Variants in RAPGEFL1 observed in about 807,000 individuals in gnomAD.
RAPGEFL1 encodes the protein Rap guanine nucleotide exchange factor like 1, also known as rap guanine nucleotide exchange factor-like 1.
RAPGEFL1 carries 31 observed loss-of-function variants against 64.4 expected under a neutral mutation model. The ratio of observed to expected loss-of-function variants is 0.48; its 90% CI spans 0.36 to 0.65. The LOEUF is 0.65. Among genes scored for constraint, RAPGEFL1 ranks in the 30% least tolerant of loss-of-function variants. The pLI is 0.00. For missense variants in RAPGEFL1, 682 were observed against 677.4 expected, an observed-to-expected ratio of 1.01 and a Z score of -0.08; for synonymous variants, 331 against 274.1, an observed-to-expected ratio of 1.21 and a Z score of -2.05.
At chr17:40,187,236 T>C (rs78852644) in intron 4 of RAPGEFL1, among the ~76,000 whole-genome samples, 12,807 of 152,212 alleles carry the variant, frequency 0.084, 1,291 homozygotes, top group African/African-American at 0.24. Flanking sequence ...TGTGAGCCAG[T>C]GTGAACCAGC....
chr17:40,193,473 G>A (rs764912295), intron 14 of RAPGEFL1, 56 bp downstream of exon 14: 96 of 1,597,394 alleles, frequency 6.0e-5, no homozygotes, highest in Non-Finnish European at 7.0e-5. Flanking sequence ...GAACGGGAGG[G>A]TTCAGGGGAG....
upstream of RAPGEFL1, chr17:40,177,399 G>T (rs906022370): frequency 1.0e-5 from 7 of 696,724 alleles, no homozygotes; most frequent in Admixed American, 1.4e-4. Context: ...CGGCGCGGGG[G>T]CGAGCCGAGG....
intron 4 of RAPGEFL1, among the ~76,000 whole-genome samples, chr17:40,188,007 C>T (rs774590462): frequency 2.0e-5 from 3 of 150,752 alleles, no homozygotes; most frequent in South Asian, 2.1e-4. Context: ...CTCCCCCTCC[C>T]GGGTTCAAGC....
chr17:40,189,657 C>T (rs1990193842), intron 6 of RAPGEFL1, among the ~76,000 whole-genome samples: 2 of 152,150 alleles, frequency 1.3e-5, no homozygotes, highest in Non-Finnish European at 2.9e-5. Context: ...TGAATAGGCA[C>T]TGCGCCCTAT....
rs1307252531 is a variant in RAPGEFL1, at chr17:40,177,857, G to C, written c.-5G>C. 2 of 427,922 alleles carry C rather than the reference G, an allele frequency of 4.7e-6. No individual in the cohort carries two copies. Among genetic ancestry groups the C allele is most frequent in the African/African-American group, 4.1e-5 (2 of 48,728 alleles). 26.5% of individuals were successfully genotyped at this position (427,922 alleles called of 1,614,324 possible). On this transcript the variant is annotated 5_prime_UTR_variant, in exon 1 of 15. Transcript: ENST00000620260. Reference sequence around the variant, plus strand: ...GCGACCCCTAGGAGAGGGGCGGGGGGGGGCATGAAGCCGCTGGAGAAATTT... The same window carrying C: ...GCGACCCCTAGGAGAGGGGCGGGGGCGGGCATGAAGCCGCTGGAGAAATTT...
intron 2 of RAPGEFL1, among the ~76,000 whole-genome samples, chr17:40,182,861 C>T (rs187923130): frequency 2.0e-5 from 3 of 152,176 alleles, no homozygotes; most frequent in Admixed American, 2.0e-4. Flanking sequence ...ATGTTACAGG[C>T]TCCCAGCCAG....
At position 40,177,892 on chromosome 17, in the gene RAPGEFL1, C is replaced by A. The variant is rs1989764155; in HGVS notation, c.31C>A (p.Gln11Lys). 2.3e-6 allele frequency: 1 copy of A among 426,602 alleles called. No homozygotes were observed. The highest frequency in any genetic ancestry group is 4.2e-6 in the Non-Finnish European group (1 of 240,226). The allele number at this position is 426,602 out of a possible 1,614,324, so 26.4% of individuals were successfully genotyped here. The change falls in exon 1 of 15, where the codon CAG becomes AAG. Residue 11 changes from glutamine to lysine, a missense_variant. By Grantham distance (53) the Gln-to-Lys change is moderately conservative. Coordinates refer to ENST00000620260, the MANE Select transcript of RAPGEFL1 (RefSeq NM_016339.6). ...GCCGCTGGAGAAATTTCTGAAGAAG[C>A]AGACGTCGCAGCTGGCGGGCCGAAC... is the stretch of plus-strand genomic sequence containing the variant. MKPLEKFLKK[Q>K]TSQLAGRTVA...
chr17:40,180,497 G>A (rs1361179633), intron 1 of RAPGEFL1, among the ~76,000 whole-genome samples: 1 of 152,146 alleles, frequency 6.6e-6, no homozygotes, highest in Non-Finnish European at 1.5e-5. Context: ...TGTGGGAGGA[G>A]AGAACTTACA....
intron 2 of RAPGEFL1, among the ~76,000 whole-genome samples, chr17:40,183,713 G>A (rs1989965766): frequency 6.7e-6 from 1 of 148,602 alleles, no homozygotes; most frequent in Admixed American, 6.7e-5. Context: ...TAGAGATGAG[G>A]TTTCACCATG....
intron 4 of RAPGEFL1, 39 bp from the exon 5 acceptor site, chr17:40,188,827 C>T (rs773068966): frequency 1.3e-6 from 2 of 1,551,004 alleles, no homozygotes; most frequent in African/African-American, 1.4e-5. Context: ...GTCCATATGC[C>T]TGGCAGGGCG....
At chr17:40,190,932 A>G in intron 8 of RAPGEFL1, 170 bp downstream of exon 8, 1 of 1,016,682 alleles carries the variant, frequency 9.8e-7, no homozygotes, top group Non-Finnish European at 1.4e-6. Flanking sequence ...GCAAAGAGAG[A>G]GACCCCAGAG....
chr17:40,191,519 G>A lies in RAPGEFL1; in HGVS notation c.1514+25G>A. On this transcript the variant is annotated intron_variant, in intron 9 of 14. Coordinates refer to ENST00000620260, the MANE Select transcript of RAPGEFL1 (RefSeq NM_016339.6). This position sits in a 1 kb window ranked among gnomAD's most constrained non-coding sequence, Gnocchi z 5.1. The stretch of plus-strand genomic sequence containing the variant: ...TGTGAGTGCGGCCGTCGGCGGGATG[G>A]GGGGCCGGAGGCCGGAGGCCCGCGC... 6.3e-7 allele frequency: 1 copy of A among 1,580,788 alleles called. No individual in the cohort carries two copies.
At chr17:40,179,969 C>T (rs1989844989) in intron 1 of RAPGEFL1, among the ~76,000 whole-genome samples, 1 of 152,206 alleles carries the variant, frequency 6.6e-6, no homozygotes, top group Admixed American at 6.5e-5. Context: ...ACACCACACA[C>T]CCTGTGTCTC....
At position 40,190,669 on chromosome 17, in the gene RAPGEFL1, C is replaced by T. The variant is rs267604845; in HGVS notation, c.1242C>T (p.Ser414=). Residue 414 remains serine, a synonymous_variant, in exon 8 of 15, where the codon TCC becomes TCT. Transcript: ENST00000620260. Reference sequence around the variant, plus strand: ...CCCTCCCCGAGGAGATCCAGGTCTCCCCTGGAGACACAGAGATCCACCGAG... The same window carrying T: ...CCCTCCCCGAGGAGATCCAGGTCTCTCCTGGAGACACAGAGATCCACCGAG... ...LVPLPEEIQV[S]PGDTEIHRVE... is the part of the protein sequence containing the mutation. The T allele has an allele frequency of 1.2e-6, 2 of 1,614,178 alleles. No individual in the cohort carries two copies. Among genetic ancestry groups the T allele is most frequent in the Non-Finnish European group, 1.7e-6 (2 of 1,180,028 alleles).
chr17:40,189,093 C>T (rs965975115), intron 5 of RAPGEFL1, 115 bp downstream of exon 5: 90 of 1,467,392 alleles, frequency 6.1e-5, no homozygotes, highest in Middle Eastern at 3.9e-4. Flanking sequence ...GCCCCTTTCA[C>T]AGGACCTTCT....
At chr17:40,187,053 C>T (rs1363710455) in intron 4 of RAPGEFL1, among the ~76,000 whole-genome samples, 2 of 151,970 alleles carry the variant, frequency 1.3e-5, no homozygotes, top group African/African-American at 2.4e-5. Flanking sequence ...AGCAATCCTC[C>T]CACCTTGGCC....
chr17:40,193,378 A>C lies in RAPGEFL1; in HGVS notation c.1825A>C (p.Lys609Gln). The C allele has an allele frequency of 6.2e-7, 1 of 1,614,192 alleles. No individual in the cohort carries two copies. Among genetic ancestry groups the C allele is most frequent in the South Asian group, 1.1e-5 (1 of 91,084 alleles). Residue 609 changes from lysine to glutamine, a missense_variant, in exon 14 of 15, where the codon AAA (lysine) becomes CAA (glutamine). Physicochemically the swap from Lys to Gln is moderately conservative, Grantham distance 53. Transcript: ENST00000620260. ...NIEKLHSVAE[K>Q]VRTIRKYRSR... is the part of the protein sequence containing the mutation. The stretch of plus-strand genomic sequence containing the variant: ...CATCTCCCAGCATTCAGTGGCCGAA[A>C]AAGTGAGGACAATCCGCAAATACCG...
Position 40,190,418 on chromosome 17 carries a change from G to A in RAPGEFL1, c.1115-16G>A. The A allele has an allele frequency of 6.2e-7, 1 of 1,612,798 alleles. No individual in the cohort carries two copies. Among genetic ancestry groups the A allele is most frequent in the African/African-American group, 1.3e-5 (1 of 75,016 alleles). ...AGGCGGCAGGGGCCGAGGATGAGCAGCTCTTTCTCCTGCAGAGAAGGTCCT... is the reference window on the plus strand; with the variant it reads ...AGGCGGCAGGGGCCGAGGATGAGCAACTCTTTCTCCTGCAGAGAAGGTCCT... On this transcript the variant is annotated splice_polypyrimidine_tract_variant and intron_variant, in intron 6 of 14. Transcript: ENST00000620260.
Position 40,189,048 on chromosome 17 carries a change from C to T in RAPGEFL1, c.946+70C>T, listed in dbSNP as rs528301585. Reference sequence around the variant, plus strand: ...GGGGGACATATCTCTGGGTCTTGAGCACCCTCAGTGGCATCTCCCTGGGTG... The same window carrying T: ...GGGGGACATATCTCTGGGTCTTGAGTACCCTCAGTGGCATCTCCCTGGGTG... On this transcript the variant is annotated intron_variant, in intron 5 of 14. Transcript: ENST00000620260. The T allele has an allele frequency of 8.8e-5, 131 of 1,495,584 alleles. No individual in the cohort carries two copies. The East Asian group carries it at 2.8e-3, about 32-fold the overall frequency. 92.6% of individuals were successfully genotyped at this position (1,495,584 alleles called of 1,614,324 possible).
Sources: gnomAD v4.1 joint callset for allele counts (sites outside exome capture counted in the v4.1 genomes callset) on GRCh38, gnomAD v4.1.1 for gene constraint, Gnocchi (gnomAD v3.1) non-coding constraint, MANE v1.5 for transcripts, NCBI Gene and HGNC (gene_info 2026-07-23, HGNC 2026-07-21) for gene names.